ALG14: variants seen among roughly 807,000 people sequenced by gnomAD.
ALG14 encodes the protein ALG14 UDP-N-acetylglucosaminyltransferase subunit.
In ALG14, 17 loss-of-function variants were observed where a neutral mutation model predicts 22.8. That is an observed-to-expected ratio of 0.75 (90% CI 0.51 to 1.12). The LOEUF (loss-of-function observed/expected upper bound fraction) is 1.12, where lower values mean the gene tolerates loss of function less well. Ranked by LOEUF, ALG14 falls within the 50% of genes most tolerant of loss-of-function variation. ALG14 has a pLI of 0.00. For missense variants in ALG14, 288 were observed against 271.8 expected (o/e 1.06, Z -0.42); for synonymous variants, 89 against 103.7 (o/e 0.86, Z 0.86).
intron 3 of ALG14, among the ~76,000 whole-genome samples, chr1:94,994,624 A>C (rs1272998285): frequency 2.0e-5 from 3 of 152,208 alleles, no homozygotes; most frequent in Non-Finnish European, 2.9e-5. Flanking sequence ...GAGATCATAC[A>C]GTTAGCTAGT....
rs1427554086 is a variant in ALG14, at chr1:95,035,612, C to T, written c.289-8352G>A. 2.6e-5 allele frequency among the ~76,000 whole-genome samples: 4 copies of T among 152,222 alleles called. No individual in the cohort carries two copies. The East Asian group carries it at 7.7e-4, about 29-fold the overall frequency. ...AGTATATGAAACACTGAGTTAAATA[C>T]TAACAGTATATGACAACTTGTAACT... On this transcript the variant is annotated intron_variant, in intron 2 of 3. Coordinates refer to ENST00000370205, the MANE Select transcript of ALG14 (RefSeq NM_144988.4).
At chr1:95,021,374 C>T (rs553420336) in intron 3 of ALG14, among the ~76,000 whole-genome samples, 3 of 152,284 alleles carry the variant, frequency 2.0e-5, no homozygotes, top group Admixed American at 6.5e-5. Flanking sequence ...TTAAAACTTC[C>T]CATGACGCTT....
intron 3 of ALG14, among the ~76,000 whole-genome samples, chr1:95,019,176 GCTGATTCCA>G (rs1223799980): frequency 6.6e-6 from 1 of 152,226 alleles, no homozygotes; most frequent in Non-Finnish European, 1.5e-5. Flanking sequence ...CAATTCTACA[GCTGATTCCA>G]CTGCAGGATT....
intron 3 of ALG14, among the ~76,000 whole-genome samples, chr1:95,019,240 G>A (rs1238556769): frequency 2.0e-5 from 3 of 152,158 alleles, no homozygotes; most frequent in East Asian, 1.9e-4. Flanking sequence ...TTGCAAACAC[G>A]TGAAACTTAT....
At chr1:95,001,284 A>G (rs549000137) in intron 3 of ALG14, among the ~76,000 whole-genome samples, 15 of 152,104 alleles carry the variant, frequency 9.9e-5, no homozygotes, top group African/African-American at 3.4e-4. Flanking sequence ...GGGTTTTTTC[A>G]CTTTTTAAAT....
At chr1:95,001,482 T>C (rs1327805357) in intron 3 of ALG14, among the ~76,000 whole-genome samples, 2 of 152,156 alleles carry the variant, frequency 1.3e-5, no homozygotes, top group Non-Finnish European at 2.9e-5. Context: ...TAATTTGATT[T>C]CTATGGCTTC....
At chr1:95,065,255 T>A (rs1675316968) in intron 1 of ALG14, among the ~76,000 whole-genome samples, 1 of 151,900 alleles carries the variant, frequency 6.6e-6, no homozygotes, top group African/African-American at 2.4e-5. Context: ...TAGCAGTAGG[T>A]ACTAAGGAAG....
At chr1:94,992,322 C>T (rs957383206) in intron 3 of ALG14, among the ~76,000 whole-genome samples, 5 of 152,068 alleles carry the variant, frequency 3.3e-5, no homozygotes, top group Admixed American at 6.6e-5. Flanking sequence ...TATAATCTTA[C>T]GGGATCACTA....
chr1:95,031,694 T>C (rs1674008849), intron 2 of ALG14, among the ~76,000 whole-genome samples: 1 of 149,358 alleles, frequency 6.7e-6, no homozygotes, highest in African/African-American at 2.5e-5. Flanking sequence ...TCTTCCCTCC[T>C]CCATCACCAA....
intron 2 of ALG14, among the ~76,000 whole-genome samples, chr1:95,044,567 T>C (rs1674483872): frequency 6.6e-6 from 1 of 152,102 alleles, no homozygotes; most frequent in Non-Finnish European, 1.5e-5. Flanking sequence ...CTTGAAACAC[T>C]CTTCTCTCAG....
intron 3 of ALG14, among the ~76,000 whole-genome samples, chr1:95,000,777 T>TAAAAAA (rs56810994): frequency 1.5e-5 from 1 of 65,232 alleles, no homozygotes; most frequent in Non-Finnish European, 3.1e-5. Context: ...TATGCCACAC[T>TAAAAAA]AAAAAAAAAA....
At chr1:95,039,004 G>C (rs1215321690) in intron 2 of ALG14, among the ~76,000 whole-genome samples, 1 of 152,182 alleles carries the variant, frequency 6.6e-6, no homozygotes, top group Non-Finnish European at 1.5e-5. Context: ...TTACAGGCGT[G>C]AGCCACCACG....
chr1:95,035,936 T>G (rs879555893), intron 2 of ALG14: 3 of 152,258 alleles, frequency 2.0e-5, no homozygotes, highest in Non-Finnish European at 4.4e-5. Flanking sequence ...AAAAATGGTT[T>G]CAGCTTTCTT....
chr1:95,031,241 A>G (rs1416413141), intron 2 of ALG14, among the ~76,000 whole-genome samples: 1 of 152,236 alleles, frequency 6.6e-6, no homozygotes, highest in African/African-American at 2.4e-5. Context: ...GGGTAGGGCA[A>G]TGAGGAGCCT....
intron 3 of ALG14, among the ~76,000 whole-genome samples, chr1:95,019,357 T>C (rs1033364700): frequency 1.3e-5 from 2 of 152,198 alleles, no homozygotes; most frequent in African/African-American, 4.8e-5. Context: ...TAAGCATGTA[T>C]AATACCAGTT....
At chr1:95,001,818 C>T (rs917766489) in intron 3 of ALG14, among the ~76,000 whole-genome samples, 6 of 152,130 alleles carry the variant, frequency 3.9e-5, no homozygotes, top group African/African-American at 1.4e-4. Context: ...TATTTCTCAA[C>T]TGGTTATGAA....
intron 3 of ALG14, among the ~76,000 whole-genome samples, chr1:94,990,569 G>A (rs904093472): frequency 2.0e-5 from 3 of 152,088 alleles, no homozygotes; most frequent in East Asian, 1.9e-4. Context: ...ACTTTTCCAC[G>A]TATACAACTA....
intron 1 of ALG14, among the ~76,000 whole-genome samples, chr1:95,072,422 A>G (rs1571691814): frequency 6.6e-6 from 1 of 152,218 alleles, no homozygotes; most frequent in Non-Finnish European, 1.5e-5. Flanking sequence ...AATACGCAAT[A>G]CCTAGATTAA....
chr1:95,045,791 T>G (rs61774262), intron 2 of ALG14, among the ~76,000 whole-genome samples: 39,268 of 126,184 alleles, frequency 0.31, 9,119 homozygotes, highest in Non-Finnish European at 0.4. Flanking sequence ...CTAATAGAAT[T>G]AGTATACTAA....
Sources: gnomAD v4.1 joint callset for allele counts (sites outside exome capture counted in the v4.1 genomes callset) on GRCh38, gnomAD v4.1.1 for gene constraint, MANE v1.5 for transcripts, NCBI Gene and HGNC (gene_info 2026-07-23, HGNC 2026-07-21) for gene names.